The following IKZF4 variants were observed in gnomAD, a reference collection of about 807,000 sequenced individuals.
The protein encoded by IKZF4 is IKAROS family zinc finger 4.
Under a neutral mutation model 47.7 loss-of-function variants are expected in IKZF4, and 11 were observed. The ratio of observed to expected loss-of-function variants is 0.23; its 90% confidence interval spans 0.15 to 0.38. The LOEUF is 0.38. Among genes scored for constraint, IKZF4 ranks in the 10% least tolerant of loss-of-function variants. The probability of loss-of-function intolerance (pLI) is 1.00; values close to 1 mark genes in which losing one functional copy is unlikely to be tolerated. For synonymous variants in IKZF4, 298 were observed against 299.4 expected, an observed-to-expected ratio of 1.00 and a Z score of 0.05; for missense variants, 557 against 784.9, an observed-to-expected ratio of 0.71 and a Z score of 3.47.
chr12:56,023,892 C>G, intron 2 of IKZF4, 128 bp downstream of exon 2: 1 of 1,498,370 alleles, frequency 6.7e-7, no homozygotes, highest in African/African-American at 1.4e-5. Flanking sequence ...ATATTTAGGC[C>G]TGTGTGCACA....
At chr12:56,031,096 C>T (rs1175827755) in intron 5 of IKZF4, among the ~76,000 whole-genome samples, 1 of 151,348 alleles carries the variant, frequency 6.6e-6, no homozygotes, top group Non-Finnish European at 1.5e-5. Context: ...ACTAAAAATA[C>T]AAAAAATTAG....
At chr12:56,024,781 G>C (rs1893666497) in intron 2 of IKZF4, 1 of 1,301,450 alleles carries the variant, frequency 7.7e-7, no homozygotes. Flanking sequence ...CCTCAGCCCT[G>C]CTTCCTGTGG....
chr12:56,025,238 C>T, intron 3 of IKZF4, 80 bp downstream of exon 3: 1 of 1,400,826 alleles, frequency 7.1e-7, no homozygotes, highest in South Asian at 1.5e-5. Context: ...CCACTGGCAA[C>T]CATTTCCCCA....
chr12:56,018,169 A>G (rs527563819), upstream of IKZF4: 4 of 1,289,314 alleles, frequency 3.1e-6, no homozygotes, highest in African/African-American at 6.1e-5. Flanking sequence ...GGCCGCTCCT[A>G]TGTGTCTGGT....
rs1180797211 is a variant in IKZF4, at chr12:56,035,336, C to T, written c.*5C>T. On this transcript the variant is annotated 3_prime_UTR_variant, in exon 8 of 8. Coordinates refer to ENST00000547167, the MANE Select transcript of IKZF4 (RefSeq NM_022465.4). This position sits in a 1 kb window ranked among gnomAD's most constrained non-coding sequence, Gnocchi z 6.1. ...GGGGAGCATAAGGTGGGCTAGCAAC[C>T]TCTCCCTCTCTCCTCAGTCCACCAC... The T allele has an allele frequency of 1.3e-6, 2 of 1,598,808 alleles. No individual in the cohort carries two copies. Among genetic ancestry groups the T allele is most frequent in the Non-Finnish European group, 1.7e-6 (2 of 1,171,764 alleles).
upstream of IKZF4, among the ~76,000 whole-genome samples, chr12:56,017,721 C>T (rs769277789): frequency 2.0e-4 from 30 of 152,258 alleles, no homozygotes; most frequent in Admixed American, 5.2e-4. Context: ...GACAGGGTCT[C>T]GCTCGGTTAC....
intron 6 of IKZF4, among the ~76,000 whole-genome samples, 161 bp downstream of exon 6, chr12:56,032,871 G>T (rs1895101676): frequency 1.3e-5 from 2 of 152,230 alleles, no homozygotes; most frequent in African/African-American, 4.8e-5. Flanking sequence ...AGGTAACCCA[G>T]TTGGTGGAGA....
Position 56,035,661 on chromosome 12 carries a change from C to T in IKZF4, c.*330C>T. On this transcript the variant is annotated 3_prime_UTR_variant, in exon 8 of 8. Coordinates refer to ENST00000547167, the MANE Select transcript of IKZF4 (RefSeq NM_022465.4). This position sits in a 1 kb window ranked among gnomAD's most constrained non-coding sequence, Gnocchi z 6.1. ...CTTGCCACTCCCCCACCCTCCTGTCCACAACTCCTTTCCACTTTAGGCCAA... is the reference window on the plus strand; with the variant it reads ...CTTGCCACTCCCCCACCCTCCTGTCTACAACTCCTTTCCACTTTAGGCCAA... 4.6e-6 allele frequency: 1 copy of T among 218,992 alleles called. No homozygotes were observed. Among genetic ancestry groups the T allele is most frequent in the Non-Finnish European group, 9.1e-6 (1 of 110,014 alleles). The allele number at this position is 218,992 out of a possible 1,614,324, so 13.6% of individuals were successfully genotyped here.
chr12:56,008,988 T>C (rs1210637976), intron 1 of IKZF4, among the ~76,000 whole-genome samples: 1 of 152,154 alleles, frequency 6.6e-6, no homozygotes, highest in Non-Finnish European at 1.5e-5. Context: ...GAAAATTTTT[T>C]GCATACCTTA....
At chr12:56,027,180 C>T in intron 4 of IKZF4, 139 bp downstream of exon 4, 2 of 777,226 alleles carry the variant, frequency 2.6e-6, no homozygotes, top group Non-Finnish European at 3.7e-6. Flanking sequence ...AGGGTCTCAC[C>T]CAGCACATTT....
chr12:56,009,891 T>C (rs1368877330), intron 1 of IKZF4, among the ~76,000 whole-genome samples: 1 of 152,150 alleles, frequency 6.6e-6, no homozygotes, highest in Non-Finnish European at 1.5e-5. Context: ...GAAAGTCTCT[T>C]TATGTCCTCT....
At position 56,027,820 on chromosome 12, in the gene IKZF4, C is replaced by T. The variant is rs371694343; in HGVS notation, c.588C>T (p.Phe196=). 3.0e-5 allele frequency: 49 copies of T among 1,613,316 alleles called. No homozygotes were observed. Among genetic ancestry groups the T allele is most frequent in the Non-Finnish European group, 3.9e-5 (46 of 1,179,630 alleles). The change falls in exon 5 of 8, where the codon TTC becomes TTT. Residue 196 remains phenylalanine (F), a synonymous_variant. Transcript: ENST00000547167. The part of the protein sequence containing the change: ...PFHCNQCGAS[F]TQKGNLLRHI... ...ATTGCAACCAGTGTGGTGCCTCCTT[C>T]ACCCAGAAGGGGAACCTGCTGCGCC...
chr12:56,017,257 T>C (rs1892235833), upstream of IKZF4, among the ~76,000 whole-genome samples: 1 of 136,702 alleles, frequency 7.3e-6, no homozygotes, highest in East Asian at 2.6e-4. Flanking sequence ...TTTTCTTTTT[T>C]AAAATAAGCG....
At chr12:56,021,995 C>T (rs1415633872) in intron 1 of IKZF4, 1 of 202,360 alleles carries the variant, frequency 4.9e-6, no homozygotes, top group East Asian at 1.4e-4. Context: ...GCCTCAGCTT[C>T]CTCCCCACAA....
At chr12:56,032,212 C>A (rs1427359540) in intron 5 of IKZF4, 1 of 214,280 alleles carries the variant, frequency 4.7e-6, no homozygotes, top group Non-Finnish European at 9.2e-6. Flanking sequence ...ACTCTGAGAT[C>A]CTGCAGTGGG....
intron 1 of IKZF4, among the ~76,000 whole-genome samples, chr12:56,022,513 G>A (rs184405073): frequency 1.3e-5 from 2 of 152,264 alleles, no homozygotes; most frequent in African/African-American, 2.4e-5. Context: ...GCTGAGAGAG[G>A]AACTGTTAAA....
rs753350601 is a variant in IKZF4 at position 56,025,064 on chromosome 12, C to T, written c.192C>T (p.Asp64=). The T allele has an allele frequency of 1.3e-6, 2 of 1,588,094 alleles. No homozygotes were observed. Among genetic ancestry groups the T allele is most frequent in the South Asian group, 2.3e-5 (2 of 86,896 alleles). Reference sequence around the variant, plus strand: ...GTTCTCTCCTCCAAGGTAGCGGGGACTCATCTCTGGAGAAGGAGTTCCTCG... The same window carrying T: ...GTTCTCTCCTCCAAGGTAGCGGGGATTCATCTCTGGAGAAGGAGTTCCTCG... ...MESLFCESSG[D]SSLEKEFLGA... is the part of the protein sequence containing the mutation. Residue 64 remains aspartate, a synonymous_variant, in exon 3 of 8, where the codon GAC becomes GAT. Coordinates refer to ENST00000547167, the MANE Select transcript of IKZF4 (RefSeq NM_022465.4).
At chr12:56,009,059 C>G (rs1891049127) in intron 1 of IKZF4, among the ~76,000 whole-genome samples, 2 of 152,096 alleles carry the variant, frequency 1.3e-5, no homozygotes, top group Admixed American at 1.3e-4. Flanking sequence ...CTTGTCAACC[C>G]TCGCTTATAT....
chr12:56,023,551 G>C (rs1437900072), intron 1 of IKZF4, 120 bp from the exon 2 acceptor site: 15 of 1,205,956 alleles, frequency 1.2e-5, no homozygotes, highest in Non-Finnish European at 1.7e-5. Context: ...TCTATAGATA[G>C]TGAACATTTT....
Sources: allele counts gnomAD v4.1 joint callset (sites outside exome capture counted in the v4.1 genomes callset), GRCh38; gene constraint gnomAD v4.1.1; non-coding constraint Gnocchi (gnomAD v3.1); transcripts MANE v1.5; gene names NCBI Gene and HGNC (gene_info 2026-07-23, HGNC 2026-07-21).